CACNA1I: variants seen among roughly 807,000 people sequenced by gnomAD.
CACNA1I encodes voltage-dependent T-type calcium channel subunit alpha-1I.
Under a neutral mutation model 201.6 loss-of-function variants are expected in CACNA1I, and 74 were observed. The ratio of observed to expected loss-of-function variants is 0.37; its 90% CI spans 0.30 to 0.45. The LOEUF (loss-of-function observed/expected upper bound fraction) is 0.45, where lower values mean the gene tolerates loss of function less well. Ranked by LOEUF, CACNA1I falls within the 20% of genes least tolerant of loss-of-function variation. The pLI, the probability that CACNA1I is intolerant of heterozygous loss-of-function variation, is 1.00. For missense variants in CACNA1I, 2,346 were observed against 3,138.1 expected (o/e 0.75, Z 6.03); for synonymous variants, 1,431 against 1,345.2 (o/e 1.06, Z -1.40).
intron 1 of CACNA1I, among the ~76,000 whole-genome samples, chr22:39,597,715 C>G (rs1932922616): frequency 6.6e-6 from 1 of 152,222 alleles, no homozygotes; most frequent in South Asian, 2.1e-4. Context: ...TCTGCGGGCT[C>G]CAGACCCAGA....
chr22:39,684,682 C>G lies in CACNA1I; in HGVS notation c.6027+184C>G. The G allele has an allele frequency of 2.7e-4, 113 of 419,700 alleles. No homozygotes were observed. Among genetic ancestry groups the G allele is most frequent in the Non-Finnish European group, 3.2e-4 (73 of 229,510 alleles). 26.0% of individuals were successfully genotyped at this position (419,700 alleles called of 1,614,324 possible). ...ACTGGAGGGGGAGGTGGCACTGGGG[C>G]GGATGGAGTGGGCGGGGCTGGGTCC... is the stretch of plus-strand genomic sequence containing the variant. On this transcript the variant is annotated intron_variant, in intron 36 of 36. Transcript: ENST00000402142. This position sits in a 1 kb window ranked among gnomAD's most constrained non-coding sequence, Gnocchi z 4.6.
In CACNA1I at chr22:39,679,856, C is replaced by G. The variant is rs57356020; in HGVS notation, c.5529C>G (p.His1843Gln). The G allele has an allele frequency of 3.1e-6, 5 of 1,612,238 alleles. No homozygotes were observed. In the South Asian group the frequency reaches 4.4e-5, roughly 14 times the overall value. Residue 1843 changes from histidine (H) to glutamine (Q), a missense_variant, in exon 33 of 37, where the codon CAC becomes CAG. By Grantham distance (24) the His-to-Gln change is conservative. Coordinates refer to ENST00000402142, the MANE Select transcript of CACNA1I (RefSeq NM_021096.4). Reference protein sequence around the residue: ...SSPAGCKKCHHDKQEVQLAET... With the variant: ...SSPAGCKKCHQDKQEVQLAET... Reference sequence around the variant, plus strand: ...CTGCCGGCTGCAAGAAGTGTCACCACGACAAGCAAGAGGTAATGGCAGCCC... The same window carrying G: ...CTGCCGGCTGCAAGAAGTGTCACCAGGACAAGCAAGAGGTAATGGCAGCCC...
At chr22:39,658,910 G>A in intron 11 of CACNA1I, 21 bp from the exon 12 acceptor site, 1 of 1,567,498 alleles carries the variant, frequency 6.4e-7, no homozygotes, top group South Asian at 1.2e-5. Flanking sequence ...TGTACCCTGG[G>A]CCTGCCCTGC....
Position 39,662,381 on chromosome 22 carries a change from C to A in CACNA1I, c.3318C>A (p.Phe1106Leu). The A allele has an allele frequency of 1.4e-6, 2 of 1,478,482 alleles. No individual in the cohort carries two copies. Among genetic ancestry groups the A allele is most frequent in the Non-Finnish European group, 8.9e-7 (1 of 1,122,624 alleles). 91.6% of individuals were successfully genotyped at this position (1,478,482 alleles called of 1,614,324 possible). A position where few individuals can be genotyped will look rare whatever the true frequency, so the allele number is the denominator to read the frequency against. The change falls in exon 17 of 37, where the codon TTC becomes TTA. Residue 1106 changes from phenylalanine to leucine, a missense_variant. Phe to Leu is a conservative substitution (Grantham distance 22). Coordinates refer to ENST00000402142, the MANE Select transcript of CACNA1I (RefSeq NM_021096.4). ...TGCCCAGCATCGCCAAAGACGTCTT[C>A]ACCAAGATGGGCGACCGCGGGGATC... ...GRMPSIAKDV[F>L]TKMGDRGDRG...
Position 39,648,499 on chromosome 22 carries a change from G to T in CACNA1I, c.1567+573G>T. ...GTCCAGGTGGGAGCAGTGAGCCGGC[G>T]CTGGGAAGGGCTTTGGGCCTGTCCT... On this transcript the variant is annotated intron_variant, in intron 9 of 36. Coordinates refer to ENST00000402142, the MANE Select transcript of CACNA1I (RefSeq NM_021096.4). The surrounding 1 kb of genome is among the most constrained non-coding windows in gnomAD (Gnocchi z 5.4). Among the ~76,000 whole-genome samples, 1 of 152,050 alleles carries T rather than the reference G, an allele frequency of 6.6e-6. No homozygotes were observed. The highest frequency in any genetic ancestry group is 2.0e-4 in the East Asian group (1 of 5,126).
At chr22:39,579,401 A>C (rs1601790520) in intron 1 of CACNA1I, among the ~76,000 whole-genome samples, 1 of 152,038 alleles carries the variant, frequency 6.6e-6, no homozygotes, top group African/African-American at 2.4e-5. Flanking sequence ...AGCCATCCCT[A>C]CCCTAGCCCG....
chr22:39,642,954 G>A lies in CACNA1I; in HGVS notation c.1149+65G>A. 2.6e-6 allele frequency: 3 copies of A among 1,164,504 alleles called. No individual in the cohort carries two copies. In the South Asian group the frequency reaches 3.9e-5, roughly 15 times the overall value. The allele number at this position is 1,164,504 out of a possible 1,614,324, so 72.1% of individuals were successfully genotyped here. On this transcript the variant is annotated intron_variant, in intron 7 of 36. Coordinates refer to ENST00000402142, the MANE Select transcript of CACNA1I (RefSeq NM_021096.4). ...ACCCATGGACCAGGGGACCTGAGGA[G>A]GGAGGGTCTTTGGGAGTCCCTAGGG...
rs374512552 is a variant in CACNA1I at position 39,647,929 on chromosome 22, A to G, written c.1567+3A>G. On this transcript the variant is annotated splice_donor_region_variant and intron_variant, in intron 9 of 36. Transcript: ENST00000402142. The stretch of plus-strand genomic sequence containing the variant: ...TGGAAATGATCACTCGGGAAGAGGC[A>G]AGCCAGGGCCACGGGAGGTGGGCCC... 2.0e-5 allele frequency: 32 copies of G among 1,612,786 alleles called. No homozygotes were observed. In the African/African-American group the frequency reaches 2.3e-4, roughly 11 times the overall value.
chr22:39,673,814 T>G (rs2146468764), intron 28 of CACNA1I, 149 bp from the exon 29 acceptor site: 1 of 679,774 alleles, frequency 1.5e-6, no homozygotes, highest in Non-Finnish European at 2.5e-6. Flanking sequence ...TGCACCCACA[T>G]TCTTGTAATG....
intron 1 of CACNA1I, chr22:39,587,780 T>A (rs966296236): frequency 3.4e-5 from 15 of 437,856 alleles, no homozygotes; most frequent in Non-Finnish European, 6.4e-5. Context: ...GATTTATAAT[T>A]ATTATTATTT....
In CACNA1I at chr22:39,604,663, G is replaced by A. The variant is rs904266833; in HGVS notation, c.482+4010G>A. ...TGCGATCACAGCTTACTGCAGCCTC[G>A]CCCTCCCTGGACTCAGGTGATCCTC... On this transcript the variant is annotated intron_variant, in intron 3 of 36. Transcript: ENST00000402142. Among the ~76,000 whole-genome samples, 10 of 151,864 alleles carry A rather than the reference G, an allele frequency of 6.6e-5. No individual in the cohort carries two copies. The South Asian group carries it at 1.0e-3, about 16-fold the overall frequency.
intron 31 of CACNA1I, 72 bp downstream of exon 31, chr22:39,678,180 C>G: frequency 2.6e-6 from 4 of 1,529,856 alleles, no homozygotes; most frequent in Non-Finnish European, 3.5e-6. Flanking sequence ...TCCTGCTGCT[C>G]AGGGCTCTGC....
chr22:39,620,315 C>T (rs1933710263), intron 4 of CACNA1I, among the ~76,000 whole-genome samples: 2 of 152,002 alleles, frequency 1.3e-5, no homozygotes, highest in African/African-American at 4.8e-5. Context: ...TTCTAGCCAT[C>T]TTTCCATTTG....
rs990155394 is a variant in CACNA1I, at chr22:39,686,546, G to C, written c.*141G>C. 181 of 577,526 alleles carry C rather than the reference G, an allele frequency of 3.1e-4. 1 individual carries two copies. Among genetic ancestry groups the C allele is most frequent in the Non-Finnish European group, 4.1e-4 (169 of 407,556 alleles). 35.8% of individuals were successfully genotyped at this position (577,526 alleles called of 1,614,324 possible). The stretch of plus-strand genomic sequence containing the variant: ...GGCACAGGCGCCCGACAGCCGGGCT[G>C]AGCGGAGTCTGGGTTAGCCAGGCCT... On this transcript the variant is annotated 3_prime_UTR_variant, in exon 37 of 37. Transcript: ENST00000402142.
intron 1 of CACNA1I, among the ~76,000 whole-genome samples, chr22:39,589,658 G>A (rs982473223): frequency 6.6e-6 from 1 of 152,214 alleles, no homozygotes; most frequent in Non-Finnish European, 1.5e-5. Context: ...GTCCTTGGAT[G>A]CTTGTAGGCC....
chr22:39,581,577 A>G (rs1428826197), intron 1 of CACNA1I, among the ~76,000 whole-genome samples: 1 of 152,166 alleles, frequency 6.6e-6, no homozygotes, highest in Non-Finnish European at 1.5e-5. Context: ...GGGAAGTCTC[A>G]TAATTGAAGG....
Position 39,686,046 on chromosome 22 carries a change from C to A in CACNA1I, c.6313C>A (p.Pro2105Thr). 1 of 1,236,022 alleles carries A rather than the reference C, an allele frequency of 8.1e-7. No individual in the cohort carries two copies. The highest frequency in any genetic ancestry group is 1.0e-6 in the Non-Finnish European group (1 of 993,660). 76.6% of individuals were successfully genotyped at this position (1,236,022 alleles called of 1,614,324 possible). A position where few individuals can be genotyped will look rare whatever the true frequency, so the allele number is the denominator to read the frequency against. ...PGCTHHDSMD[P>T]SDEEGRGGAG... ...CTGCACCCACCACGACTCCATGGAC[C>A]CCTCGGACGAGGAGGGCCGCGGTGG... Residue 2105 changes from proline (P) to threonine (T), a missense_variant, in exon 37 of 37, where the codon CCC becomes ACC. Physicochemically the swap from Pro to Thr is conservative, Grantham distance 38. Around this residue, in one of 13 missense-constraint regions of CACNA1I, gnomAD observed 441 missense variants for 555.6 expected, o/e 0.79. Transcript: ENST00000402142.
chr22:39,677,310 GC>G lies in CACNA1I; in HGVS notation c.4855-27del. The G allele has an allele frequency of 6.7e-7, 1 of 1,488,124 alleles. No homozygotes were observed. The allele number at this position is 1,488,124 out of a possible 1,614,324, so 92.2% of individuals were successfully genotyped here. On this transcript the variant is annotated intron_variant, in intron 29 of 36. Transcript: ENST00000402142. This position sits in a 1 kb window ranked among gnomAD's most constrained non-coding sequence, Gnocchi z 4.8. ...CTGGTGCGCCCCCACCCGCTCCCCA[GC>G]CCCACCCGGCCTCACCTGTCCTCCC...
Position 39,658,970 on chromosome 22 carries a change from G to T in CACNA1I, c.2184G>T (p.Ser728=). The change falls in exon 12 of 37, where the codon TCG becomes TCT. Residue 728 remains serine (S), a synonymous_variant. Transcript: ENST00000402142. ...TGGGGCAGGCGGACGGTGGGCTGTCGGTGCTGCGGACCTTCCGGCTGCTGC... is the reference window on the plus strand; with the variant it reads ...TGGGGCAGGCGGACGGTGGGCTGTCTGTGCTGCGGACCTTCCGGCTGCTGC... ...EIVGQADGGL[S]VLRTFRLLRV... is the part of the protein sequence containing the mutation. 1.2e-6 allele frequency: 2 copies of T among 1,605,762 alleles called. No homozygotes were observed. The highest frequency in any genetic ancestry group is 2.2e-5 in the East Asian group (1 of 44,716).
Sources: allele counts gnomAD v4.1 joint callset (sites outside exome capture counted in the v4.1 genomes callset), GRCh38; gene constraint gnomAD v4.1.1; regional missense constraint gnomAD v4.1.1; non-coding constraint Gnocchi (gnomAD v3.1); transcripts MANE v1.5; gene names NCBI Gene and HGNC (gene_info 2026-07-23, HGNC 2026-07-21).